Variants in MET observed in about 807,000 individuals in gnomAD.
The protein encoded by MET is hepatocyte growth factor receptor.
Under a neutral mutation model 133.1 loss-of-function variants are expected in MET, and 48 were observed. The observed-to-expected ratio is 0.36, with a 90% CI of 0.29 to 0.46. The LOEUF is 0.46. Ranked by LOEUF, MET falls within the 20% of genes least tolerant of loss-of-function variation. The probability of loss-of-function intolerance (pLI) is 1.00; values close to 1 mark genes in which losing one functional copy is unlikely to be tolerated. For synonymous variants in MET, 628 were observed against 616.5 expected (o/e 1.02, Z -0.28); for missense variants, 1,442 against 1,695.9 (o/e 0.85, Z 2.63).
intron 2 of MET, among the ~76,000 whole-genome samples, chr7:116,716,956 GC>G (rs529146979): frequency 1.3e-4 from 20 of 151,560 alleles, no homozygotes; most frequent in Non-Finnish European, 2.5e-4. Context: ...CTTAAATTTT[GC>G]CCCCCCCAGC....
chr7:116,735,213 G>T (rs375787762), intron 3 of MET, among the ~76,000 whole-genome samples: 18 of 152,064 alleles, frequency 1.2e-4, no homozygotes, highest in East Asian at 9.6e-4. Context: ...AGCTCTTCCC[G>T]CATGCCCCTT....
In MET at chr7:116,769,734, C is replaced by T. The variant is rs561131509; in HGVS notation, c.2673C>T (p.Ala891=). The T allele has an allele frequency of 1.2e-5, 19 of 1,613,560 alleles. No individual in the cohort carries two copies. Among genetic ancestry groups the T allele is most frequent in the South Asian group, 3.3e-5 (3 of 91,066 alleles). Residue 891 remains alanine, a synonymous_variant, in exon 12 of 21, where the codon GCC becomes GCT. Transcript: ENST00000397752. Reference sequence around the variant, plus strand: ...AGAATATACACTTACATTCTGAAGCCGTTTTATGCACGGTCCCCAATGACC... The same window carrying T: ...AGAATATACACTTACATTCTGAAGCTGTTTTATGCACGGTCCCCAATGACC... ...SCENIHLHSE[A]VLCTVPNDLL...
At chr7:116,686,987 C>T (rs1414849742) in intron 1 of MET, among the ~76,000 whole-genome samples, 2 of 152,224 alleles carry the variant, frequency 1.3e-5, no homozygotes, top group Non-Finnish European at 2.9e-5. Context: ...TAGCTCTTCT[C>T]CCCCGTGCTG....
chr7:116,675,767 A>G (rs1386402335), intron 1 of MET, among the ~76,000 whole-genome samples: 1 of 140,480 alleles, frequency 7.1e-6, no homozygotes, highest in Non-Finnish European at 1.6e-5. Flanking sequence ...TTTTTTTTTT[A>G]ATTTCTTTTC....
At chr7:116,757,384 A>T (rs2116918963) in intron 6 of MET, 53 bp from the exon 7 acceptor site, 1 of 1,449,998 alleles carries the variant, frequency 6.9e-7, no homozygotes, top group South Asian at 1.2e-5. Flanking sequence ...AAACAACCTA[A>T]CCAGAAAATT....
At chr7:116,715,815 G>A (rs1435541899) in intron 2 of MET, among the ~76,000 whole-genome samples, 7 of 152,212 alleles carry the variant, frequency 4.6e-5, no homozygotes, top group Admixed American at 4.6e-4. Flanking sequence ...TAGCATGGTT[G>A]TCACAGGACA....
At chr7:116,759,322 A>T in intron 9 of MET, 69 bp from the exon 10 acceptor site, 1 of 1,568,054 alleles carries the variant, frequency 6.4e-7, no homozygotes, top group Non-Finnish European at 8.7e-7. Flanking sequence ...ATTAAATTGA[A>T]TCCCTCTCTT....
intron 5 of MET, among the ~76,000 whole-genome samples, chr7:116,748,634 C>A (rs372258065): frequency 6.6e-6 from 1 of 152,046 alleles, no homozygotes; most frequent in East Asian, 1.9e-4. Context: ...CAGAGCAGAA[C>A]TGAAGGACAT....
chr7:116,787,832 G>C (rs1031144960), intron 19 of MET, among the ~76,000 whole-genome samples: 1 of 152,086 alleles, frequency 6.6e-6, no homozygotes, highest in African/African-American at 2.4e-5. Context: ...TAGCTAATGA[G>C]CACATGAAAT....
At chr7:116,694,607 G>T (rs1040484267) in intron 1 of MET, among the ~76,000 whole-genome samples, 1 of 152,088 alleles carries the variant, frequency 6.6e-6, no homozygotes, top group Non-Finnish European at 1.5e-5. Context: ...ATTTAGTACA[G>T]TGTGTGACTT....
At chr7:116,751,784 G>A (rs577860341) in intron 5 of MET, among the ~76,000 whole-genome samples, 26 of 152,268 alleles carry the variant, frequency 1.7e-4, no homozygotes, top group South Asian at 1.5e-3. Flanking sequence ...AATTCAGGCC[G>A]GGCGTGGTGG....
At chr7:116,787,404 A>G (rs1261620956) in intron 19 of MET, among the ~76,000 whole-genome samples, 1 of 152,222 alleles carries the variant, frequency 6.6e-6, no homozygotes, top group Non-Finnish European at 1.5e-5. Context: ...TGGGGGATTT[A>G]TAATGAACAG....
chr7:116,682,649 G>C (rs1796404794), intron 1 of MET, among the ~76,000 whole-genome samples: 2 of 152,278 alleles, frequency 1.3e-5, no homozygotes, highest in East Asian at 1.9e-4. Context: ...AATGAGAATG[G>C]ACATTGTGCA....
chr7:116,744,886 T>C (rs1793608366), intron 5 of MET, among the ~76,000 whole-genome samples: 2 of 152,150 alleles, frequency 1.3e-5, no homozygotes, highest in South Asian at 4.1e-4. Flanking sequence ...GGATGCCCTC[T>C]CTCACCACTC....
At chr7:116,769,836 T>G in intron 12 of MET, 45 bp downstream of exon 12, 1 of 1,612,344 alleles carries the variant, frequency 6.2e-7, no homozygotes, top group Admixed American at 1.7e-5. Flanking sequence ...AGGAAGCCAG[T>G]GTAATTATGT....
At chr7:116,677,683 AC>A (rs149456718) in intron 1 of MET, among the ~76,000 whole-genome samples, 86 of 152,372 alleles carry the variant, frequency 5.6e-4, no homozygotes, top group African/African-American at 2.0e-3. Context: ...GACTGCTTCT[AC>A]AAAATATTTT....
intron 1 of MET, among the ~76,000 whole-genome samples, chr7:116,673,231 A>C (rs1290913078): frequency 6.6e-6 from 1 of 152,242 alleles, no homozygotes; most frequent in Admixed American, 6.5e-5. Flanking sequence ...TTGTCAATGC[A>C]GAATTTACTC....
At chr7:116,743,758 G>A (rs1793551925) in intron 5 of MET, among the ~76,000 whole-genome samples, 1 of 152,186 alleles carries the variant, frequency 6.6e-6, no homozygotes, top group African/African-American at 2.4e-5. Flanking sequence ...CTCCCAGCAG[G>A]GGTCGACAGA....
At chr7:116,695,986 C>T (rs914919708) in intron 1 of MET, among the ~76,000 whole-genome samples, 4 of 152,096 alleles carry the variant, frequency 2.6e-5, no homozygotes, top group Non-Finnish European at 5.9e-5. Flanking sequence ...AATTCTCCTG[C>T]CTCAGCCTCC....
Sources: gnomAD v4.1 joint callset for allele counts (sites outside exome capture counted in the v4.1 genomes callset) on GRCh38, gnomAD v4.1.1 for gene constraint, MANE v1.5 for transcripts, NCBI Gene and HGNC (gene_info 2026-07-23, HGNC 2026-07-21) for gene names.